The following CDKL5 variants were observed in gnomAD, a reference collection of about 807,000 sequenced individuals.
The protein encoded by CDKL5 is cyclin-dependent kinase-like 5.
Under a neutral mutation model 61.7 loss-of-function variants are expected in CDKL5, and 8 were observed. The observed-to-expected ratio is 0.13, with a 90% CI of 0.08 to 0.23. The LOEUF (loss-of-function observed/expected upper bound fraction) is 0.23. Among genes scored for constraint, CDKL5 ranks in the 10% least tolerant of loss-of-function variants. CDKL5 has a pLI of 1.00. For missense variants in CDKL5, 440 were observed against 734.5 expected (o/e 0.60, Z 4.63); for synonymous variants, 275 against 272.3 (o/e 1.01, Z -0.10).
Position 18,633,967 on chromosome X carries a change from GA to G in CDKL5, c.*5217del, listed in dbSNP as rs1927308646. On this transcript the variant is annotated 3_prime_UTR_variant, in exon 18 of 18. Transcript: ENST00000623535. ...AAAGGAAGTTTGTCTCATTTTGCCA[GA>G]AAAAAATTGTAATAGTCGGCACGCT... 5 of 754,157 alleles carry G rather than the reference GA, an allele frequency of 6.6e-6. No homozygotes were observed. Among genetic ancestry groups the G allele is most frequent in the Non-Finnish European group, 7.8e-6 (5 of 639,344 alleles). 62.2% of individuals were successfully genotyped at this position (754,157 alleles called of 1,213,427 possible).
intron 1 of CDKL5, among the ~76,000 whole-genome samples, chrX:18,456,218 T>C (rs1460558637): frequency 1.8e-5 from 2 of 110,224 alleles, no homozygotes; most frequent in Non-Finnish European, 3.8e-5. Flanking sequence ...TTTTGTATTT[T>C]TAGTAGAGAC....
Position 18,633,502 on chromosome X carries a change from A to G in CDKL5, c.*4745A>G, listed in dbSNP as rs1013056236. On this transcript the variant is annotated 3_prime_UTR_variant, in exon 18 of 18. Coordinates refer to ENST00000623535, the MANE Select transcript of CDKL5 (RefSeq NM_001323289.2). ...GAAACCAAACTTGTAAGCAGTTACA[A>G]TTTCTTCCTTTTGCTTCTTGACCAG... 4 of 752,996 alleles carry G rather than the reference A, an allele frequency of 5.3e-6. No individual in the cohort carries two copies. Among genetic ancestry groups the G allele is most frequent in the Non-Finnish European group, 4.7e-6 (3 of 639,125 alleles). The allele number at this position is 752,996 out of a possible 1,213,427, so 62.1% of individuals were successfully genotyped here.
Position 18,584,243 on chromosome X carries a change from T to C in CDKL5, c.464-20T>C. ...TATTTCTTTTTCAAAGTTACAACTT[T>C]GGACTTTGCTATCTTTCAGGTTTTG... On this transcript the variant is annotated intron_variant, in intron 7 of 17. Coordinates refer to ENST00000623535, the MANE Select transcript of CDKL5 (RefSeq NM_001323289.2). 1.8e-6 allele frequency: 2 copies of C among 1,094,825 alleles called. No homozygotes were observed. Among genetic ancestry groups the C allele is most frequent in the South Asian group, 1.8e-5 (1 of 54,535 alleles). 90.2% of individuals were successfully genotyped at this position (1,094,825 alleles called of 1,213,427 possible).
intron 16 of CDKL5, among the ~76,000 whole-genome samples, chrX:18,623,324 G>C (rs924755277): frequency 8.9e-6 from 1 of 112,137 alleles, no homozygotes; most frequent in Non-Finnish European, 1.9e-5. Context: ...TACAGAACAA[G>C]GCCTCTTACT....
At chrX:18,540,923 G>A (rs952965107) in intron 3 of CDKL5, among the ~76,000 whole-genome samples, 2 of 111,063 alleles carry the variant, frequency 1.8e-5, no homozygotes, top group Non-Finnish European at 3.8e-5. Flanking sequence ...TCTTGACCTC[G>A]TGATCCACCC....
At chrX:18,513,147 T>G (rs761453536) in intron 3 of CDKL5, among the ~76,000 whole-genome samples, 3 of 112,273 alleles carry the variant, frequency 2.7e-5, no homozygotes, top group Non-Finnish European at 5.6e-5. Flanking sequence ...GACCTTTTCC[T>G]CTATACTTTC....
chrX:18,455,202 T>A (rs975919659), intron 1 of CDKL5, among the ~76,000 whole-genome samples: 3 of 112,002 alleles, frequency 2.7e-5, no homozygotes, highest in African/African-American at 9.7e-5. Flanking sequence ...ATTTTTATAG[T>A]TGTCTCCTGT....
intron 10 of CDKL5, among the ~76,000 whole-genome samples, chrX:18,597,591 ATTTTTTT>A (rs58993237): frequency 4.1e-5 from 3 of 72,820 alleles, no homozygotes; most frequent in Admixed American, 1.8e-4. Flanking sequence ...CTACAGAATG[ATTTTTTT>A]TTTTTTTTTT....
At chrX:18,528,720 G>A (rs1040341848) in intron 3 of CDKL5, among the ~76,000 whole-genome samples, 1 of 111,117 alleles carries the variant, frequency 9.0e-6, no homozygotes, top group Non-Finnish European at 1.9e-5. Flanking sequence ...TGCAGCCTCC[G>A]CCTCCTAGGC....
intron 1 of CDKL5, among the ~76,000 whole-genome samples, chrX:18,429,869 G>A (rs923797027): frequency 8.9e-6 from 1 of 111,836 alleles, no homozygotes; most frequent in Non-Finnish European, 1.9e-5. Context: ...AACTCCTGGC[G>A]TCAAGCGATC....
At position 18,619,986 on chromosome X, in the gene CDKL5, C is replaced by CTA. The variant is rs1417636832; in HGVS notation, c.2376+27_2376+28dup. On this transcript the variant is annotated intron_variant, in intron 16 of 17. Transcript: ENST00000623535. ...CAAACAGTAAGTAGATGACCAGTTT[C>CTA]TATATATAATAACATGTTTCTGCAT... 1.1e-6 allele frequency: 1 copy of CTA among 939,106 alleles called. No individual in the cohort carries two copies. Among genetic ancestry groups the CTA allele is most frequent in the Admixed American group, 2.3e-5 (1 of 43,773 alleles). The allele number at this position is 939,106 out of a possible 1,213,427, so 77.4% of individuals were successfully genotyped here. A position where few individuals can be genotyped will look rare whatever the true frequency, so the allele number is the denominator to read the frequency against.
chrX:18,520,696 T>C (rs1046844006), intron 3 of CDKL5, among the ~76,000 whole-genome samples: 13 of 111,799 alleles, frequency 1.2e-4, no homozygotes, highest in African/African-American at 3.9e-4. Context: ...CCACCAGCAA[T>C]GTATGAGAGT....
At chrX:18,465,404 C>T (rs917537722) in intron 1 of CDKL5, among the ~76,000 whole-genome samples, 4 of 111,690 alleles carry the variant, frequency 3.6e-5, no homozygotes, top group Non-Finnish European at 5.6e-5. Flanking sequence ...GTGGCTTATG[C>T]CTGTAATCCC....
intron 1 of CDKL5, among the ~76,000 whole-genome samples, chrX:18,449,642 G>A (rs1931962075): frequency 8.9e-6 from 1 of 112,603 alleles, no homozygotes; most frequent in African/African-American, 3.2e-5. Context: ...CATTCTGGCC[G>A]CATGGTTTCT....
chrX:18,481,864 C>G (rs1041880598), intron 1 of CDKL5, among the ~76,000 whole-genome samples: 1 of 110,560 alleles, frequency 9.0e-6, no homozygotes, highest in Admixed American at 9.8e-5. Flanking sequence ...TCTGCTTGAC[C>G]GGAATAGTTC....
chrX:18,546,542 G>A lies in CDKL5; in HGVS notation c.100-17935G>A, dbSNP rs1233585743. Among the ~76,000 whole-genome samples the A allele has an allele frequency of 2.7e-5, 3 of 111,902 alleles. No homozygotes were observed. In the East Asian group the frequency reaches 8.4e-4, roughly 31 times the overall value. Reference sequence around the variant, plus strand: ...CCTCCCAAAGTGCTGGATTACAGGCGTGAGCCATTGCACCCAAACAAGTTA... The same window carrying A: ...CCTCCCAAAGTGCTGGATTACAGGCATGAGCCATTGCACCCAAACAAGTTA... On this transcript the variant is annotated intron_variant, in intron 3 of 17. Coordinates refer to ENST00000623535, the MANE Select transcript of CDKL5 (RefSeq NM_001323289.2).
At chrX:18,588,164 C>T in intron 9 of CDKL5, 21 bp downstream of exon 9, 1 of 1,162,537 alleles carries the variant, frequency 8.6e-7, no homozygotes, top group Non-Finnish European at 1.2e-6. Context: ...TTGCTGAAAC[C>T]CAAAATGGAA....
In CDKL5 at chrX:18,564,526, GATATATATATAT is replaced by G. The variant is rs745969938; in HGVS notation, c.145+17_145+28del. On this transcript the variant is annotated splice_donor_5th_base_variant and intron_variant, in intron 4 of 17. Transcript: ENST00000623535. ...AAGAAATTCAAGGACAGTGAAGGTAGATATATATATATATATATATATATCTGTATATATGTA... is the reference window on the plus strand; with the variant it reads ...AAGAAATTCAAGGACAGTGAAGGTAGATATATATATATCTGTATATATGTA... The G allele has an allele frequency of 1.4e-4, 86 of 606,297 alleles. 3 individuals are homozygous for G. Among genetic ancestry groups the G allele is most frequent in the Non-Finnish European group, 1.5e-4 (62 of 406,017 alleles). The allele number at this position is 606,297 out of a possible 1,213,427, so 50.0% of individuals were successfully genotyped here.
Position 18,524,028 on chromosome X carries a change from T to A in CDKL5, c.99+13174T>A, listed in dbSNP as rs547954531. On this transcript the variant is annotated intron_variant, in intron 3 of 17. Transcript: ENST00000623535. The stretch of plus-strand genomic sequence containing the variant: ...CTCTGTATAAGGTACCATCTGTGAA[T>A]AGGGGTAGTTCTACTTATCCATTTA... Among the ~76,000 whole-genome samples, 383 of 111,804 alleles carry A rather than the reference T, an allele frequency of 3.4e-3. 1 individual carries two copies. Among genetic ancestry groups the A allele is most frequent in the Non-Finnish European group, 6.1e-3 (322 of 53,176 alleles).
Sources: allele counts gnomAD v4.1 joint callset (sites outside exome capture counted in the v4.1 genomes callset), GRCh38; gene constraint gnomAD v4.1.1; transcripts MANE v1.5; gene names NCBI Gene and HGNC (gene_info 2026-07-23, HGNC 2026-07-21).